Variants in FSTL4 observed in about 807,000 individuals in gnomAD.
FSTL4 encodes the protein follistatin like 4.
FSTL4 carries 28 observed loss-of-function variants against 78.2 expected under a neutral mutation model. The ratio of observed to expected loss-of-function variants is 0.36; its 90% confidence interval spans 0.27 to 0.49. The LOEUF is 0.49. FSTL4 is among the 20% of genes least tolerant of loss of function. The pLI is 0.98. For missense variants in FSTL4, 922 were observed against 1,084.9 expected (o/e 0.85, Z 2.11); for synonymous variants, 422 against 440.5 (o/e 0.96, Z 0.53).
intron 2 of FSTL4, among the ~76,000 whole-genome samples, chr5:133,595,633 CAGGA>C (rs1460550937): frequency 6.6e-6 from 1 of 152,192 alleles, no homozygotes; most frequent in Admixed American, 6.5e-5. Context: ...GACTGTGGCT[CAGGA>C]AGGGCGCACA....
At chr5:133,773,901 C>T in the FSTL4 span, among the ~76,000 whole-genome samples, 1 of 152,026 alleles carries the variant, frequency 6.6e-6, no homozygotes. Context: ...TAAGGGTAGA[C>T]GGGATAGTGA....
intron 3 of FSTL4, among the ~76,000 whole-genome samples, chr5:133,515,925 C>T (rs1478865009): frequency 2.0e-5 from 3 of 152,024 alleles, no homozygotes; most frequent in Non-Finnish European, 4.4e-5. Flanking sequence ...AGTGCATCAG[C>T]CACCATATGA....
the FSTL4 span, among the ~76,000 whole-genome samples, chr5:133,674,302 A>G: frequency 6.6e-6 from 1 of 152,036 alleles, no homozygotes; most frequent in South Asian, 2.1e-4. Context: ...CCTCTGCGAG[A>G]TATTTGTTCC....
intron 13 of FSTL4, among the ~76,000 whole-genome samples, chr5:133,213,220 C>G (rs1466279839): frequency 6.6e-6 from 1 of 152,154 alleles, no homozygotes; most frequent in Non-Finnish European, 1.5e-5. Context: ...TCAGACTGGT[C>G]TCGAACTCCT....
intron 2 of FSTL4, among the ~76,000 whole-genome samples, chr5:133,602,712 T>C (rs1760899294): frequency 6.6e-6 from 1 of 152,188 alleles, no homozygotes; most frequent in Admixed American, 6.5e-5. Flanking sequence ...ACGGCAGAGA[T>C]AGCGTTTCTG....
chr5:133,201,836 A>T, intron 15 of FSTL4, 97 bp downstream of exon 15: 1 of 665,182 alleles, frequency 1.5e-6, no homozygotes, highest in African/African-American at 1.8e-5. Context: ...AGTGGAGGAG[A>T]CAGAGAAATG....
chr5:133,709,565 G>A, the FSTL4 span, among the ~76,000 whole-genome samples: 2 of 152,210 alleles, frequency 1.3e-5, no homozygotes, highest in Admixed American at 6.5e-5. Context: ...GCAATGGCTC[G>A]GGCCACTCTG....
At chr5:133,774,047 C>T in the FSTL4 span, among the ~76,000 whole-genome samples, 2 of 152,052 alleles carry the variant, frequency 1.3e-5, no homozygotes, top group African/African-American at 4.8e-5. Flanking sequence ...TTATGAAAAC[C>T]CTGGGATACG....
rs772662925 is a variant in FSTL4, at chr5:133,461,774, A to G, written c.161-60788T>C. On this transcript the variant is annotated intron_variant, in intron 3 of 15. Coordinates refer to ENST00000265342, the MANE Select transcript of FSTL4 (RefSeq NM_015082.2). ...ATATGATTTATCATGCCATTTGATC[A>G]GCCTGCGTAATAAGTCTCATAAGTT... 3.4e-4 allele frequency among the ~76,000 whole-genome samples: 52 copies of G among 152,242 alleles called. 1 individual carries two copies. Among genetic ancestry groups the G allele is most frequent in the Non-Finnish European group, 2.9e-4 (20 of 68,050 alleles).
At chr5:133,229,943 G>A (rs1751444021) in intron 8 of FSTL4, among the ~76,000 whole-genome samples, 1 of 152,196 alleles carries the variant, frequency 6.6e-6, no homozygotes, top group African/African-American at 2.4e-5. Flanking sequence ...GGAGCTTTGG[G>A]AGCACAGGGA....
intron 2 of FSTL4, among the ~76,000 whole-genome samples, chr5:133,603,453 G>A (rs1760911611): frequency 6.6e-6 from 1 of 152,120 alleles, no homozygotes; most frequent in Non-Finnish European, 1.5e-5. Flanking sequence ...CTATATACCT[G>A]AAAAGTAGTC....
intron 6 of FSTL4, among the ~76,000 whole-genome samples, chr5:133,303,096 T>C (rs1050153537): frequency 3.3e-5 from 5 of 152,218 alleles, no homozygotes; most frequent in Non-Finnish European, 1.5e-5. Context: ...CGTTTGTTAC[T>C]GTATAGCCCT....
chr5:133,318,258 T>A (rs1350488964), intron 4 of FSTL4, among the ~76,000 whole-genome samples: 1 of 152,220 alleles, frequency 6.6e-6, no homozygotes, highest in Non-Finnish European at 1.5e-5. Context: ...AGGATATTGA[T>A]TCCTGGGGGT....
the FSTL4 span, among the ~76,000 whole-genome samples, chr5:133,688,263 A>T: frequency 6.6e-6 from 1 of 152,186 alleles, no homozygotes; most frequent in Non-Finnish European, 1.5e-5. Context: ...TACAAAAAAA[A>T]TTAGCCAGGC....
At chr5:133,593,611 G>T (rs964212602) in intron 2 of FSTL4, among the ~76,000 whole-genome samples, 1 of 152,160 alleles carries the variant, frequency 6.6e-6, no homozygotes, top group Non-Finnish European at 1.5e-5. Flanking sequence ...TCAGCCACAT[G>T]CACCTGGACA....
Position 133,384,684 on chromosome 5 carries a change from G to A in FSTL4, c.409+16054C>T, listed in dbSNP as rs1235295684. Among the ~76,000 whole-genome samples, 2 of 152,166 alleles carry A rather than the reference G, an allele frequency of 1.3e-5. 1 individual carries two copies. The highest frequency in any genetic ancestry group is 6.3e-3 in the Middle Eastern group (2 of 316). ...GGGCCCCTGCCTCCAGGGTCACTCT[G>A]TCCCAAGGGCAACACAGGTGATCTT... On this transcript the variant is annotated intron_variant, in intron 4 of 15. Coordinates refer to ENST00000265342, the MANE Select transcript of FSTL4 (RefSeq NM_015082.2).
chr5:133,618,673 A>G, the FSTL4 span, among the ~76,000 whole-genome samples: 1 of 152,210 alleles, frequency 6.6e-6, no homozygotes, highest in African/African-American at 2.4e-5. Flanking sequence ...TAAGATCCTT[A>G]TTGCATAAAT....
chr5:133,836,249 C>T, the FSTL4 span, among the ~76,000 whole-genome samples: 1 of 151,896 alleles, frequency 6.6e-6, no homozygotes. Context: ...GTTTCTTTTT[C>T]TTACCTCTTT....
intron 6 of FSTL4, among the ~76,000 whole-genome samples, chr5:133,249,811 C>T (rs1399413066): frequency 6.6e-6 from 1 of 152,232 alleles, no homozygotes; most frequent in Non-Finnish European, 1.5e-5. Flanking sequence ...AGGTCAAAAA[C>T]CATAAGTAAT....
Sources: allele counts gnomAD v4.1 joint callset (sites outside exome capture counted in the v4.1 genomes callset), GRCh38; gene constraint gnomAD v4.1.1; transcripts MANE v1.5; gene names NCBI Gene and HGNC (gene_info 2026-07-23, HGNC 2026-07-21).